Variants in POGZ observed in about 807,000 individuals in gnomAD.
POGZ encodes the protein pogo transposable element derived with ZNF domain, also known as pogo transposable element with ZNF domain.
POGZ carries 17 observed loss-of-function variants against 134.6 expected under a neutral mutation model. That is an observed-to-expected ratio of 0.13 (90% confidence interval 0.09 to 0.19). The LOEUF (loss-of-function observed/expected upper bound fraction) is 0.19. Among genes scored for constraint, POGZ ranks in the 10% least tolerant of loss-of-function variants. The probability of loss-of-function intolerance (pLI) is 1.00; values close to 1 mark genes in which losing one functional copy is unlikely to be tolerated. For missense variants in POGZ, 1,306 were observed against 1,769.7 expected (o/e 0.74, Z 4.70); for synonymous variants, 693 against 657.1 (o/e 1.05, Z -0.84).
intron 10 of POGZ, among the ~76,000 whole-genome samples, chr1:151,414,636 G>A (rs1030325344): frequency 6.6e-6 from 1 of 152,150 alleles, no homozygotes; most frequent in Non-Finnish European, 1.5e-5. Flanking sequence ...TACAAAATCA[G>A]CCGGGCACAG....
At chr1:151,416,878 C>T (rs1221216605) in intron 10 of POGZ, among the ~76,000 whole-genome samples, 3 of 152,134 alleles carry the variant, frequency 2.0e-5, no homozygotes, top group Non-Finnish European at 2.9e-5. Flanking sequence ...GCAATCCTCA[C>T]GCCTTGGCCT....
Position 151,428,226 on chromosome 1 carries a change from A to G in POGZ, c.756T>C (p.Thr252=), listed in dbSNP as rs1453516986. ...CAGTGGGAGTGGTAGAAGTGCTGGG[A>G]GTGGACTTGGTCTGCTGGGACTGGG... The part of the protein sequence containing the change: ...PQSQSQQTKS[T]PSTSTTPTAT... Residue 252 remains threonine (T), a synonymous_variant, in exon 6 of 19, where the codon ACT becomes ACC. Coordinates refer to ENST00000271715, the MANE Select transcript of POGZ (RefSeq NM_015100.4). 6.2e-7 allele frequency: 1 copy of G among 1,613,764 alleles called. No homozygotes were observed. Among genetic ancestry groups the G allele is most frequent in the East Asian group, 2.2e-5 (1 of 44,886 alleles).
rs1653167450 is a variant in POGZ, at chr1:151,404,152, A to G, written c.*650T>C. The G allele has an allele frequency of 8.1e-6, 8 of 985,608 alleles. No individual in the cohort carries two copies. The highest frequency in any genetic ancestry group is 9.6e-6 in the Non-Finnish European group (8 of 829,786). 61.1% of individuals were successfully genotyped at this position (985,608 alleles called of 1,614,324 possible). ...ACAATTTTATATCTAGGGTTGCTGTAGAAACCAACATCTCTGGAGAGGGAA... is the reference window on the plus strand; with the variant it reads ...ACAATTTTATATCTAGGGTTGCTGTGGAAACCAACATCTCTGGAGAGGGAA... On this transcript the variant is annotated 3_prime_UTR_variant, in exon 19 of 19. Transcript: ENST00000271715.
intron 1 of POGZ, among the ~76,000 whole-genome samples, chr1:151,450,391 C>T (rs777725648): frequency 6.6e-6 from 1 of 152,010 alleles, no homozygotes; most frequent in South Asian, 2.1e-4. Context: ...GGGTCTTTGT[C>T]GCCTGGGCTG....
chr1:151,430,832 G>A lies in POGZ; in HGVS notation c.293C>T (p.Pro98Leu). Reference protein sequence around the residue: ...TLIANNNAGNPLVQQGGQPLI... With the variant: ...TLIANNNAGNLLVQQGGQPLI... Reference sequence around the variant, plus strand: ...TGGCTGTCCACCTTGCTGGACCAAAGGATTGCCAGCTAAAGGGTAAAGGAA... The same window carrying A: ...TGGCTGTCCACCTTGCTGGACCAAAAGATTGCCAGCTAAAGGGTAAAGGAA... Residue 98 changes from proline (P) to leucine (L), a missense_variant, in exon 4 of 19, where the codon CCT (proline) becomes CTT (leucine). Pro to Leu is a moderately conservative substitution (Grantham distance 98, BLOSUM62 -3). Around this residue, in one of 10 missense-constraint regions of POGZ, gnomAD observed 541 missense variants for 680.5 expected, o/e 0.80. Coordinates refer to ENST00000271715, the MANE Select transcript of POGZ (RefSeq NM_015100.4). 6.4e-7 allele frequency: 1 copy of A among 1,556,752 alleles called. No individual in the cohort carries two copies. Among genetic ancestry groups the A allele is most frequent in the Non-Finnish European group, 8.6e-7 (1 of 1,159,148 alleles).
rs1368609821 is a variant in POGZ at position 151,404,168 on chromosome 1, GGA to G, written c.*632_*633del. On this transcript the variant is annotated 3_prime_UTR_variant, in exon 19 of 19. Transcript: ENST00000271715. ...GGTTGCTGTAGAAACCAACATCTCTGGAGAGGGAAGGAAAGAAAAGGAGAAGG... is the reference window on the plus strand; with the variant it reads ...GGTTGCTGTAGAAACCAACATCTCTGGAGGGAAGGAAAGAAAAGGAGAAGG... 89 of 985,548 alleles carry G rather than the reference GGA, an allele frequency of 9.0e-5. No homozygotes were observed. In the Admixed American group the frequency reaches 5.5e-3, roughly 61 times the overall value. The allele number at this position is 985,548 out of a possible 1,614,324, so 61.1% of individuals were successfully genotyped here. A position where few individuals can be genotyped will look rare whatever the true frequency, so the allele number is the denominator to read the frequency against.
chr1:151,456,544 T>A (rs1396395176), intron 1 of POGZ, among the ~76,000 whole-genome samples: 1 of 152,232 alleles, frequency 6.6e-6, no homozygotes, highest in Non-Finnish European at 1.5e-5. Flanking sequence ...ATCTCACAAA[T>A]GCTTTTCCTT....
intron 1 of POGZ, among the ~76,000 whole-genome samples, chr1:151,454,000 C>G (rs1284834759): frequency 6.6e-6 from 1 of 152,126 alleles, no homozygotes; most frequent in Non-Finnish European, 1.5e-5. Context: ...AGAAAAAGAT[C>G]TGTTTTCCAC....
At chr1:151,414,190 G>T (rs1046392638) in intron 10 of POGZ, among the ~76,000 whole-genome samples, 1 of 152,186 alleles carries the variant, frequency 6.6e-6, no homozygotes, top group Middle Eastern at 3.2e-3. Flanking sequence ...AAAGCAGGAG[G>T]AAAGGCAAGT....
intron 3 of POGZ, among the ~76,000 whole-genome samples, chr1:151,434,232 C>A (rs1659205179): frequency 6.6e-6 from 1 of 152,152 alleles, no homozygotes; most frequent in Non-Finnish European, 1.5e-5. Context: ...ATTGCTTGAA[C>A]CCAGGTGGGG....
chr1:151,425,034 A>C lies in POGZ; in HGVS notation c.1106T>G (p.Leu369Arg). 6.3e-7 allele frequency: 1 copy of C among 1,585,708 alleles called. No homozygotes were observed. Among genetic ancestry groups the C allele is most frequent in the Non-Finnish European group, 8.6e-7 (1 of 1,158,486 alleles). Residue 369 changes from leucine (L) to arginine (R), a missense_variant, in exon 8 of 19, where the codon CTC becomes CGC. This residue lies in a region of POGZ where 541 missense variants were observed against 680.5 expected (regional missense o/e 0.80). Coordinates refer to ENST00000271715, the MANE Select transcript of POGZ (RefSeq NM_015100.4). ...ACATATTTTCCGTCCACCATCCTGG[A>C]GGTCAAATACTGGGATGGAAGAGGT... ...KVTSSIPVFD[L>R]QDGGRKICPR...
At chr1:151,424,642 T>C (rs1657473613) in intron 8 of POGZ, among the ~76,000 whole-genome samples, 1 of 152,210 alleles carries the variant, frequency 6.6e-6, no homozygotes, top group African/African-American at 2.4e-5. Flanking sequence ...ATTCATCCAA[T>C]GACACAATTA....
In POGZ at chr1:151,430,705, A is replaced by G; in HGVS notation, c.420T>C (p.Ser140=). Residue 140 remains serine, a synonymous_variant, in exon 4 of 19, where the codon AGT becomes AGC. Coordinates refer to ENST00000271715, the MANE Select transcript of POGZ (RefSeq NM_015100.4). The stretch of plus-strand genomic sequence containing the variant: ...ATATTGGTTGTGAGGCCACAGGGGA[A>G]CTAGTCACATGATTGGCATTCTGCA... ...QVMQNANHVT[S]SPVASQPIFI... The G allele has an allele frequency of 4.3e-6, 7 of 1,610,102 alleles. No individual in the cohort carries two copies. The highest frequency in any genetic ancestry group is 5.9e-6 in the Non-Finnish European group (7 of 1,178,236).
Position 151,406,499 on chromosome 1 carries a change from T to A in POGZ, c.2571-35A>T, listed in dbSNP as rs1653660986. 2.6e-6 allele frequency: 4 copies of A among 1,556,388 alleles called. No individual in the cohort carries two copies. In the African/African-American group the frequency reaches 5.5e-5, roughly 22 times the overall value. Reference sequence around the variant, plus strand: ...TGAGGAGCAAAGAGAAGAGGAGAAATCTCAGTTCAACTAGGAAATTGAAAC... The same window carrying A: ...TGAGGAGCAAAGAGAAGAGGAGAAAACTCAGTTCAACTAGGAAATTGAAAC... On this transcript the variant is annotated intron_variant, in intron 18 of 18. Transcript: ENST00000271715.
In POGZ at chr1:151,404,648, G is replaced by A; in HGVS notation, c.*154C>T. 4 of 1,389,744 alleles carry A rather than the reference G, an allele frequency of 2.9e-6. No individual in the cohort carries two copies. Among genetic ancestry groups the A allele is most frequent in the Non-Finnish European group, 3.7e-6 (4 of 1,076,066 alleles). The allele number at this position is 1,389,744 out of a possible 1,614,324, so 86.1% of individuals were successfully genotyped here. On this transcript the variant is annotated 3_prime_UTR_variant, in exon 19 of 19. Transcript: ENST00000271715. The stretch of plus-strand genomic sequence containing the variant: ...TTCCTAATTAATCCACAAATCCACA[G>A]GGAAGTGTAAGTCAACTTCAGGGGG...
chr1:151,429,896 A>G (rs186299450), intron 4 of POGZ, among the ~76,000 whole-genome samples, 185 bp from the exon 5 acceptor site: 1 of 152,184 alleles, frequency 6.6e-6, no homozygotes, highest in African/African-American at 2.4e-5. Flanking sequence ...TTGAGAGACA[A>G]AATATCAAAA....
At chr1:151,427,144 C>G (rs1374399181) in intron 7 of POGZ, 1 of 150,848 alleles carries the variant, frequency 6.6e-6, no homozygotes. Context: ...CTCCTAGGCT[C>G]AAGTGATCCT....
At position 151,406,167 on chromosome 1, in the gene POGZ, C is replaced by T. The variant is rs768738663; in HGVS notation, c.2868G>A (p.Glu956=). 3.7e-6 allele frequency: 6 copies of T among 1,613,988 alleles called. No homozygotes were observed. In the Admixed American group the frequency reaches 8.3e-5, roughly 22 times the overall value. The change falls in exon 19 of 19, where the codon GAG becomes GAA. Residue 956 remains glutamate (E), a synonymous_variant. Coordinates refer to ENST00000271715, the MANE Select transcript of POGZ (RefSeq NM_015100.4). ...DEGSPVTQEP[E]LASGGGGSGG... Reference sequence around the variant, plus strand: ...CACTACCACCACCACCTGATGCTAGCTCAGGTTCTTGGGTGACTGGGCTCC... The same window carrying T: ...CACTACCACCACCACCTGATGCTAGTTCAGGTTCTTGGGTGACTGGGCTCC...
intron 12 of POGZ, among the ~76,000 whole-genome samples, chr1:151,411,227 CA>C (rs1654612491): frequency 6.6e-6 from 1 of 152,234 alleles, no homozygotes; most frequent in Non-Finnish European, 1.5e-5. Flanking sequence ...GAATCTCTCT[CA>C]ATTTCTTGAA....
Sources: gnomAD v4.1 joint callset for allele counts (sites outside exome capture counted in the v4.1 genomes callset) on GRCh38, gnomAD v4.1.1 for gene constraint, gnomAD v4.1.1 regional missense constraint, MANE v1.5 for transcripts, NCBI Gene and HGNC (gene_info 2026-07-23, HGNC 2026-07-21) for gene names.